RTTN: variants seen among roughly 807,000 people sequenced by gnomAD.
The protein encoded by RTTN is rotatin.
RTTN carries 182 observed loss-of-function variants against 269.2 expected under a neutral mutation model. The ratio of observed to expected loss-of-function variants is 0.68; its 90% CI spans 0.60 to 0.76. The LOEUF (loss-of-function observed/expected upper bound fraction) is 0.76, where lower values mean the gene tolerates loss of function less well. RTTN is among the 30% of genes least tolerant of loss of function. RTTN has a pLI of 0.00. For missense variants in RTTN, 2,545 were observed against 2,608.6 expected, an observed-to-expected ratio of 0.98 and a Z score of 0.53; for synonymous variants, 1,006 against 963.5, an observed-to-expected ratio of 1.04 and a Z score of -0.82.
chr18:70,025,804 C>G (rs185980652), intron 43 of RTTN, among the ~76,000 whole-genome samples: 1 of 152,164 alleles, frequency 6.6e-6, no homozygotes, highest in African/African-American at 2.4e-5. Flanking sequence ...CCTGTCTGCC[C>G]GGTAGTGACA....
In RTTN at chr18:70,190,620, T is replaced by C; in HGVS notation, c.1107A>G (p.Thr369=). The change falls in exon 9 of 49, where the codon ACA becomes ACG. Residue 369 remains threonine (T), a synonymous_variant. Coordinates refer to ENST00000640769, the MANE Select transcript of RTTN (RefSeq NM_173630.4). ...IDLPELETED[T]LELQFQQLSL... is the part of the protein sequence containing the mutation. ...TGAGCTGCTGGAATTGTAGTTCCAA[T>C]GTGTCTTCAGTTTCCAGCTCTGGCA... 2 of 1,613,748 alleles carry C rather than the reference T, an allele frequency of 1.2e-6. No homozygotes were observed. The highest frequency in any genetic ancestry group is 1.7e-6 in the Non-Finnish European group (2 of 1,179,636).
intron 11 of RTTN, among the ~76,000 whole-genome samples, chr18:70,175,363 A>G (rs1292349026): frequency 6.6e-6 from 1 of 152,146 alleles, no homozygotes; most frequent in African/African-American, 2.4e-5. Context: ...AAAGACACCT[A>G]AAGCAACACG....
At chr18:70,063,319 T>G (rs79962348) in intron 35 of RTTN, among the ~76,000 whole-genome samples, 9,096 of 152,302 alleles carry the variant, frequency 0.06, 323 homozygotes, top group African/African-American at 0.098. Context: ...CGGGTAGTAT[T>G]AATTTGTATA....
At chr18:70,112,671 T>C (rs1384083737) in intron 27 of RTTN, among the ~76,000 whole-genome samples, 5 of 152,068 alleles carry the variant, frequency 3.3e-5, no homozygotes, top group Non-Finnish European at 5.9e-5. Flanking sequence ...ATAAAGCAAG[T>C]TCTTAGAGAC....
intron 10 of RTTN, among the ~76,000 whole-genome samples, chr18:70,183,271 T>C (rs1212491343): frequency 6.6e-6 from 1 of 152,102 alleles, no homozygotes; most frequent in Non-Finnish European, 1.5e-5. Context: ...GAAGCTGACA[T>C]GGTTAGGAAT....
intron 33 of RTTN, among the ~76,000 whole-genome samples, chr18:70,074,481 G>A (rs1034537734): frequency 7.9e-5 from 12 of 151,948 alleles, no homozygotes; most frequent in Non-Finnish European, 1.3e-4. Context: ...TTAATAATTC[G>A]GGGATAAAGG....
intron 25 of RTTN, among the ~76,000 whole-genome samples, chr18:70,124,173 A>C (rs765064003): frequency 6.6e-6 from 1 of 152,052 alleles, no homozygotes; most frequent in Non-Finnish European, 1.5e-5. Context: ...GACATTATTT[A>C]TTCTGTGAGT....
chr18:70,030,389 T>G (rs1173471747), intron 41 of RTTN, among the ~76,000 whole-genome samples: 2 of 152,220 alleles, frequency 1.3e-5, no homozygotes, highest in South Asian at 4.1e-4. Flanking sequence ...CAATTGATAT[T>G]AATGGACTTG....
intron 11 of RTTN, among the ~76,000 whole-genome samples, chr18:70,175,925 A>G (rs1436844096): frequency 6.6e-6 from 1 of 152,188 alleles, no homozygotes; most frequent in Non-Finnish European, 1.5e-5. Flanking sequence ...GAACTCTGAC[A>G]ACACGTACCT....
intron 14 of RTTN, among the ~76,000 whole-genome samples, chr18:70,161,385 T>G (rs2060825391): frequency 6.6e-6 from 1 of 152,040 alleles, no homozygotes; most frequent in African/African-American, 2.4e-5. Context: ...CTTAAAACTA[T>G]AACAACCCTA....
intron 10 of RTTN, among the ~76,000 whole-genome samples, chr18:70,180,465 C>T (rs2061398301): frequency 6.6e-6 from 1 of 152,056 alleles, no homozygotes; most frequent in South Asian, 2.1e-4. Context: ...GCCTGTAATC[C>T]CAGCTACTTG....
chr18:70,195,402 A>G (rs2061780480), intron 7 of RTTN, among the ~76,000 whole-genome samples: 1 of 152,032 alleles, frequency 6.6e-6, no homozygotes, highest in South Asian at 2.1e-4. Flanking sequence ...CCTTATCTCA[A>G]GCAAACTTGA....
At chr18:70,031,208 T>A in intron 40 of RTTN, 2 of 531,336 alleles carry the variant, frequency 3.8e-6, no homozygotes, top group African/African-American at 1.9e-5. Context: ...TAAAGACTCA[T>A]CATCTACAGA....
In RTTN at chr18:70,017,540, C is replaced by T; in HGVS notation, c.6288G>A (p.Leu2096=). The change falls in exon 46 of 49, where the codon CTG becomes CTA. Residue 2096 remains leucine (L), a synonymous_variant. Transcript: ENST00000640769. ...GTAAGTCTAGACAGCCATCAAGCCTCAGAATCATTTGTTGCCCATCTTCTC... is the reference window on the plus strand; with the variant it reads ...GTAAGTCTAGACAGCCATCAAGCCTTAGAATCATTTGTTGCCCATCTTCTC... ...SSGEDGQQMI[L]RLDGCLDLLT... The T allele has an allele frequency of 6.2e-7, 1 of 1,614,084 alleles. No homozygotes were observed. The highest frequency in any genetic ancestry group is 1.6e-4 in the Middle Eastern group (1 of 6,062).
intron 10 of RTTN, among the ~76,000 whole-genome samples, chr18:70,187,092 T>A (rs908544254): frequency 1.3e-5 from 2 of 152,196 alleles, no homozygotes; most frequent in African/African-American, 2.4e-5. Flanking sequence ...TGAAATAGCA[T>A]AAGCCCATTA....
intron 10 of RTTN, among the ~76,000 whole-genome samples, chr18:70,183,070 C>A (rs989319396): frequency 1.1e-4 from 17 of 152,186 alleles, no homozygotes; most frequent in African/African-American, 3.9e-4. Context: ...ACAAGGACAT[C>A]TCCTGTCCTT....
chr18:70,192,669 CAA>C (rs11313917), intron 8 of RTTN, among the ~76,000 whole-genome samples: 1,988 of 89,806 alleles, frequency 0.022, 18 homozygotes, highest in African/African-American at 0.076. Context: ...GACCTTGTCT[CAA>C]AAAAAAAAAA....
chr18:70,016,743 G>A (rs768608121), intron 46 of RTTN, among the ~76,000 whole-genome samples: 2 of 151,926 alleles, frequency 1.3e-5, no homozygotes, highest in Non-Finnish European at 2.9e-5. Flanking sequence ...CTCAAGCCCT[G>A]AACTCTCTCC....
chr18:70,150,220 T>C, intron 15 of RTTN, 133 bp from the exon 16 acceptor site: 1 of 650,552 alleles, frequency 1.5e-6, no homozygotes. Flanking sequence ...TGTTCGTACT[T>C]CCACAGCATC....
Sources: allele counts gnomAD v4.1 joint callset (sites outside exome capture counted in the v4.1 genomes callset), GRCh38; gene constraint gnomAD v4.1.1; transcripts MANE v1.5; gene names NCBI Gene and HGNC (gene_info 2026-07-23, HGNC 2026-07-21).